The following MAML2 variants were observed in gnomAD, a reference collection of about 807,000 sequenced individuals.
The protein encoded by MAML2 is mastermind like transcriptional coactivator 2, also known as mastermind-like protein 2.
A neutral mutation model predicts 96.1 loss-of-function variants in MAML2; 22 were observed. The ratio of observed to expected loss-of-function variants is 0.23; its 90% CI spans 0.16 to 0.33. The LOEUF (loss-of-function observed/expected upper bound fraction) is 0.33. MAML2 is among the 10% of genes least tolerant of loss of function. MAML2 has a pLI of 1.00. For missense variants in MAML2, 1,367 were observed against 1,392.4 expected (o/e 0.98, Z 0.29); for synonymous variants, 561 against 521.3 (o/e 1.08, Z -1.04).
At chr11:96,077,219 CTTTT>C (rs371672772) in intron 2 of MAML2, among the ~76,000 whole-genome samples, 6 of 94,122 alleles carry the variant, frequency 6.4e-5, no homozygotes, top group Non-Finnish European at 9.8e-5. Context: ...CTCTCTCTCT[CTTTT>C]TTTTTTTTTT....
intron 2 of MAML2, among the ~76,000 whole-genome samples, chr11:96,068,610 T>C (rs911318141): frequency 6.6e-6 from 1 of 152,116 alleles, no homozygotes; most frequent in South Asian, 2.1e-4. Flanking sequence ...GAGCGGATCA[T>C]GAGGTCAGGA....
At chr11:96,326,122 A>T (rs1863774812) in intron 1 of MAML2, among the ~76,000 whole-genome samples, 2 of 110,950 alleles carry the variant, frequency 1.8e-5, no homozygotes, top group Non-Finnish European at 3.3e-5. Flanking sequence ...TGTAAACTCC[A>T]TTAAACAAGA....
rs1861129360 is a variant in MAML2, at chr11:96,162,682, G to A, written c.514-69165C>T. Reference sequence around the variant, plus strand: ...GCCGAGATTGCGCCCTTGCACTCCAGCCTGGGCCAAAAGAGTAAAACTCCG... The same window carrying A: ...GCCGAGATTGCGCCCTTGCACTCCAACCTGGGCCAAAAGAGTAAAACTCCG... On this transcript the variant is annotated intron_variant, in intron 1 of 4. Transcript: ENST00000524717. 4.2e-5 allele frequency among the ~76,000 whole-genome samples: 6 copies of A among 143,878 alleles called. No individual in the cohort carries two copies. The South Asian group carries it at 1.3e-3, about 32-fold the overall frequency. The allele number at this position is 143,878 out of a possible 152,430, so 94.4% of individuals were successfully genotyped here.
chr11:96,072,717 A>C (rs1740469340), intron 2 of MAML2, among the ~76,000 whole-genome samples: 2 of 152,222 alleles, frequency 1.3e-5, no homozygotes, highest in East Asian at 3.8e-4. Flanking sequence ...GATTGATTAC[A>C]AAGTGAACCC....
At chr11:96,281,422 C>G (rs1863062708) in intron 1 of MAML2, among the ~76,000 whole-genome samples, 1 of 151,946 alleles carries the variant, frequency 6.6e-6, no homozygotes, top group African/African-American at 2.4e-5. Flanking sequence ...TGTGGGGAAG[C>G]AAGCAGGAAT....
chr11:96,175,353 G>C (rs979489799), intron 1 of MAML2, among the ~76,000 whole-genome samples: 1 of 152,036 alleles, frequency 6.6e-6, no homozygotes, highest in East Asian at 1.9e-4. Flanking sequence ...AATCTCCCTG[G>C]GTCTAGTTGC....
intron 1 of MAML2, among the ~76,000 whole-genome samples, chr11:96,102,905 G>C (rs1859958185): frequency 6.6e-6 from 1 of 152,170 alleles, no homozygotes; most frequent in Admixed American, 6.5e-5. Context: ...ATATATCGAA[G>C]CAAATCCAAA....
chr11:96,140,529 A>T (rs1018628453), intron 1 of MAML2, among the ~76,000 whole-genome samples: 1 of 152,216 alleles, frequency 6.6e-6, no homozygotes, highest in African/African-American at 2.4e-5. Context: ...TGAGCAAACC[A>T]TAAGAAGCTA....
At chr11:96,089,283 G>A (rs1295073328) in intron 2 of MAML2, among the ~76,000 whole-genome samples, 1 of 152,164 alleles carries the variant, frequency 6.6e-6, no homozygotes, top group Non-Finnish European at 1.5e-5. Context: ...GAGACAACGA[G>A]AATCAGAAGA....
In MAML2 at chr11:95,979,748, T is replaced by C. The variant is rs897851029; in HGVS notation, c.2671A>G (p.Thr891Ala). 2 of 1,614,008 alleles carry C rather than the reference T, an allele frequency of 1.2e-6. No homozygotes were observed. Among genetic ancestry groups the C allele is most frequent in the Admixed American group, 3.3e-5 (2 of 60,014 alleles). Residue 891 changes from threonine to alanine, a missense_variant, in exon 5 of 5, where the codon ACC becomes GCC. Coordinates refer to ENST00000524717, the MANE Select transcript of MAML2 (RefSeq NM_032427.4). ...AATTGCTTTGGGTTTCTCTGTTGGG[T>C]CAATTGATTCATTCCTGAAGTGACA... ...YSVTSGMNQL[T>A]QQRNPKQLLA...
intron 1 of MAML2, among the ~76,000 whole-genome samples, chr11:96,149,028 G>A (rs546826469): frequency 1.3e-5 from 2 of 152,080 alleles, no homozygotes; most frequent in African/African-American, 4.8e-5. Flanking sequence ...CCTCTTAAAG[G>A]TTCCAGTAGC....
At chr11:96,095,688 G>A (rs1165471328) in intron 1 of MAML2, among the ~76,000 whole-genome samples, 1 of 152,164 alleles carries the variant, frequency 6.6e-6, no homozygotes, top group African/African-American at 2.4e-5. Flanking sequence ...GGTCAGCTCT[G>A]CTTGTTTTCT....
intron 1 of MAML2, among the ~76,000 whole-genome samples, chr11:96,149,092 C>A (rs745427330): frequency 6.6e-6 from 1 of 152,118 alleles, no homozygotes; most frequent in Admixed American, 6.5e-5. Context: ...TCATGTGCCT[C>A]ATCCACGGTA....
intron 1 of MAML2, among the ~76,000 whole-genome samples, chr11:96,240,037 T>C (rs1289575732): frequency 1.3e-5 from 2 of 152,234 alleles, no homozygotes; most frequent in African/African-American, 4.8e-5. Flanking sequence ...TATGAGAATA[T>C]ATTAACTAAT....
At chr11:96,308,252 A>G (rs1330994460) in intron 1 of MAML2, among the ~76,000 whole-genome samples, 1 of 152,162 alleles carries the variant, frequency 6.6e-6, no homozygotes. Flanking sequence ...TTATACCAAG[A>G]TATTTCAATG....
chr11:96,085,006 G>A (rs1384819647), intron 2 of MAML2, among the ~76,000 whole-genome samples: 1 of 152,202 alleles, frequency 6.6e-6, no homozygotes, highest in Non-Finnish European at 1.5e-5. Context: ...GATTTAGCAG[G>A]ATGCACAGGG....
intron 1 of MAML2, among the ~76,000 whole-genome samples, chr11:96,329,480 C>T (rs1469610074): frequency 6.6e-6 from 1 of 152,204 alleles, no homozygotes; most frequent in Admixed American, 6.5e-5. Flanking sequence ...TAAGAAGAGA[C>T]TGAAATTTGA....
intron 1 of MAML2, among the ~76,000 whole-genome samples, chr11:96,149,924 C>G (rs1195531935): frequency 6.6e-6 from 1 of 151,996 alleles, no homozygotes; most frequent in Non-Finnish European, 1.5e-5. Context: ...TTATTTGATC[C>G]ACCGCCATGT....
intron 2 of MAML2, among the ~76,000 whole-genome samples, chr11:96,084,881 G>C (rs1371624393): frequency 6.6e-6 from 1 of 152,184 alleles, no homozygotes; most frequent in African/African-American, 2.4e-5. Flanking sequence ...AAGAGCCCGT[G>C]AAAAGCAAAC....
Sources: allele counts gnomAD v4.1 joint callset (sites outside exome capture counted in the v4.1 genomes callset), GRCh38; gene constraint gnomAD v4.1.1; transcripts MANE v1.5; gene names NCBI Gene and HGNC (gene_info 2026-07-23, HGNC 2026-07-21).